The following CPT1A variants were observed in gnomAD, a reference collection of about 807,000 sequenced individuals.
CPT1A encodes the protein carnitine O-palmitoyltransferase 1, liver isoform.
CPT1A carries 64 observed loss-of-function variants against 100.8 expected under a neutral mutation model. The observed-to-expected ratio is 0.63, with a 90% CI of 0.52 to 0.78. The LOEUF is 0.78. Among genes scored for constraint, CPT1A ranks in the 30% least tolerant of loss-of-function variants. CPT1A has a pLI of 0.00. For missense variants in CPT1A, 802 were observed against 1,034.1 expected, an observed-to-expected ratio of 0.78 and a Z score of 3.08; for synonymous variants, 363 against 396.0, an observed-to-expected ratio of 0.92 and a Z score of 0.99.
chr11:68,838,232 C>T (rs562248675), intron 1 of CPT1A, among the ~76,000 whole-genome samples: 14 of 152,056 alleles, frequency 9.2e-5, no homozygotes, highest in African/African-American at 3.1e-4. Context: ...CTGTTAACTT[C>T]CAAAGACGTT....
chr11:68,775,699 A>G (rs1191980614), intron 12 of CPT1A, among the ~76,000 whole-genome samples: 2 of 152,316 alleles, frequency 1.3e-5, no homozygotes, highest in South Asian at 2.1e-4. Context: ...AATTTATTCA[A>G]CGGTGTTTAT....
intron 1 of CPT1A, among the ~76,000 whole-genome samples, chr11:68,815,997 C>T (rs1856378583): frequency 6.6e-6 from 1 of 151,984 alleles, no homozygotes; most frequent in Non-Finnish European, 1.5e-5. Context: ...CGTGGTACCC[C>T]AACCCTGGCC....
intron 6 of CPT1A, among the ~76,000 whole-genome samples, chr11:68,797,602 G>A (rs1232850789): frequency 6.6e-6 from 1 of 152,172 alleles, no homozygotes; most frequent in Non-Finnish European, 1.5e-5. Context: ...GAGCCCAGGG[G>A]TTCCAGGCAA....
chr11:68,774,625 T>C (rs1329419426), intron 13 of CPT1A, among the ~76,000 whole-genome samples: 1 of 151,390 alleles, frequency 6.6e-6, no homozygotes, highest in Non-Finnish European at 1.5e-5. Context: ...GTATTTTTAG[T>C]AGAGACGGGG....
chr11:68,774,580 C>T lies in CPT1A; in HGVS notation c.1575+736G>A, dbSNP rs537932326. On this transcript the variant is annotated intron_variant, in intron 13 of 18. Transcript: ENST00000265641. ...GCCTCAGCCTCCGGAGTAGCTGGGACTACAGGCACTTACCACTATGCCCGG... is the reference window on the plus strand; with the variant it reads ...GCCTCAGCCTCCGGAGTAGCTGGGATTACAGGCACTTACCACTATGCCCGG... Among the ~76,000 whole-genome samples the T allele has an allele frequency of 2.0e-5, 3 of 151,742 alleles. No individual in the cohort carries two copies. The East Asian group carries it at 6.0e-4, about 30-fold the overall frequency.
chr11:68,757,525 G>C lies in CPT1A; in HGVS notation c.*119C>G. 6.4e-7 allele frequency: 1 copy of C among 1,552,194 alleles called. No homozygotes were observed. The highest frequency in any genetic ancestry group is 8.7e-7 in the Non-Finnish European group (1 of 1,151,536). ...AAAAAACACCCACATTTTCTGGAAG[G>C]AAAACTGAGTTTTTTTAAGAGCAGT... On this transcript the variant is annotated 3_prime_UTR_variant, in exon 19 of 19. Coordinates refer to ENST00000265641, the MANE Select transcript of CPT1A (RefSeq NM_001876.4).
chr11:68,756,795 A>C lies in CPT1A; in HGVS notation c.*849T>G, dbSNP rs1368796250. 1.3e-5 allele frequency: 2 copies of C among 151,930 alleles called. No individual in the cohort carries two copies. The highest frequency in any genetic ancestry group is 2.9e-5 in the Non-Finnish European group (2 of 68,022). 9.4% of individuals were successfully genotyped at this position (151,930 alleles called of 1,614,324 possible). On this transcript the variant is annotated 3_prime_UTR_variant, in exon 19 of 19. Coordinates refer to ENST00000265641, the MANE Select transcript of CPT1A (RefSeq NM_001876.4). ...ATGATGACAAGAAGGCAGTCCCGGGAGGGGAGTCTGGCACAGCTGCCCTTG... is the reference window on the plus strand; with the variant it reads ...ATGATGACAAGAAGGCAGTCCCGGGCGGGGAGTCTGGCACAGCTGCCCTTG...
chr11:68,823,847 C>T (rs1207770290), intron 1 of CPT1A, among the ~76,000 whole-genome samples: 1 of 151,940 alleles, frequency 6.6e-6, no homozygotes, highest in Non-Finnish European at 1.5e-5. Flanking sequence ...ATGGATGCAA[C>T]TGGAGGCCTT....
At chr11:68,786,418 A>T (rs115102269) in intron 9 of CPT1A, among the ~76,000 whole-genome samples, 9 of 152,334 alleles carry the variant, frequency 5.9e-5, no homozygotes, top group African/African-American at 9.6e-5. Context: ...AAAGTGTAGG[A>T]CTAGGACCAA....
At chr11:68,802,229 C>T (rs994877350) in intron 5 of CPT1A, among the ~76,000 whole-genome samples, 1 of 151,872 alleles carries the variant, frequency 6.6e-6, no homozygotes, top group Non-Finnish European at 1.5e-5. Flanking sequence ...GTACTTAGTG[C>T]CCCTGAACTG....
intron 11 of CPT1A, among the ~76,000 whole-genome samples, chr11:68,781,147 A>C (rs1160924949): frequency 6.6e-6 from 1 of 151,972 alleles, no homozygotes; most frequent in African/African-American, 2.4e-5. Flanking sequence ...ACATGCCAAC[A>C]CCCTGGCCTA....
chr11:68,795,987 G>A (rs1594346674), intron 7 of CPT1A, among the ~76,000 whole-genome samples: 2 of 151,550 alleles, frequency 1.3e-5, no homozygotes, highest in South Asian at 4.2e-4. Flanking sequence ...AGGAATGGAA[G>A]GAAAAGGAAA....
upstream of CPT1A, among the ~76,000 whole-genome samples, chr11:68,842,553 G>A (rs530154619): frequency 1.7e-3 from 263 of 152,334 alleles, no homozygotes; most frequent in African/African-American, 5.2e-3. Flanking sequence ...CGATCCAGAG[G>A]CAGCGTGGCT....
Position 68,757,400 on chromosome 11 carries a change from G to A in CPT1A, c.*244C>T, listed in dbSNP as rs917529791. 4.2e-5 allele frequency: 58 copies of A among 1,388,578 alleles called. No homozygotes were observed. The highest frequency in any genetic ancestry group is 1.6e-4 in the African/African-American group (11 of 68,750). The allele number at this position is 1,388,578 out of a possible 1,614,324, so 86.0% of individuals were successfully genotyped here. Reference sequence around the variant, plus strand: ...TCCCTTAATAAATCCAAGCCGATGCGGAGACATCAGGGGAGACTTTATCAG... The same window carrying A: ...TCCCTTAATAAATCCAAGCCGATGCAGAGACATCAGGGGAGACTTTATCAG... On this transcript the variant is annotated 3_prime_UTR_variant, in exon 19 of 19. Coordinates refer to ENST00000265641, the MANE Select transcript of CPT1A (RefSeq NM_001876.4).
intron 16 of CPT1A, 128 bp from the exon 17 acceptor site, chr11:68,760,466 C>A: frequency 1.0e-5 from 7 of 690,444 alleles, no homozygotes; most frequent in East Asian, 7.9e-5. Flanking sequence ...TCTATGTCTC[C>A]AAAGGCCTCA....
At chr11:68,789,020 GA>G (rs150824045) in intron 9 of CPT1A, among the ~76,000 whole-genome samples, 4,313 of 152,196 alleles carry the variant, frequency 0.028, 204 homozygotes, top group African/African-American at 0.098. Context: ...ACTTAGAAAG[GA>G]AAACAGGAAA....
At chr11:68,771,486 G>A (rs1854988533) in intron 14 of CPT1A, among the ~76,000 whole-genome samples, 1 of 152,144 alleles carries the variant, frequency 6.6e-6, no homozygotes, top group Non-Finnish European at 1.5e-5. Context: ...TCTGAGATGC[G>A]ATGCCTCTAT....
intron 18 of CPT1A, among the ~76,000 whole-genome samples, chr11:68,758,997 C>A (rs572085896): frequency 2.8e-4 from 43 of 152,230 alleles, no homozygotes; most frequent in African/African-American, 1.0e-3. Flanking sequence ...AGCCTGTAAT[C>A]CCAACACTGG....
At chr11:68,811,583 A>G (rs761372269) in intron 3 of CPT1A, among the ~76,000 whole-genome samples, 1 of 152,178 alleles carries the variant, frequency 6.6e-6, no homozygotes, top group Non-Finnish European at 1.5e-5. Flanking sequence ...TGAAGAAAGC[A>G]CAGATTTCAG....
Sources: gnomAD v4.1 joint callset for allele counts (sites outside exome capture counted in the v4.1 genomes callset) on GRCh38, gnomAD v4.1.1 for gene constraint, MANE v1.5 for transcripts, NCBI Gene and HGNC (gene_info 2026-07-23, HGNC 2026-07-21) for gene names.